Variants in ABRAXAS1 observed in about 807,000 individuals in gnomAD.
The protein encoded by ABRAXAS1 is BRCA1-A complex subunit Abraxas 1.
A neutral mutation model predicts 38.4 loss-of-function variants in ABRAXAS1; 26 were observed. That is an observed-to-expected ratio of 0.68 (90% CI 0.50 to 0.94). ABRAXAS1 has a LOEUF of 0.94. Among genes scored for constraint, ABRAXAS1 ranks in the 40% least tolerant of loss-of-function variants. ABRAXAS1 has a pLI of 0.00. For missense variants in ABRAXAS1, 438 were observed against 481.9 expected (o/e 0.91, Z 0.85); for synonymous variants, 144 against 165.5 (o/e 0.87, Z 1.00).
intron 1 of ABRAXAS1, chr4:83,484,295 C>T (rs1394586545): frequency 2.7e-6 from 2 of 752,930 alleles, no homozygotes; most frequent in Admixed American, 6.3e-5. Flanking sequence ...ATTTCAGATG[C>T]TTAGACTTTC....
intron 3 of ABRAXAS1, among the ~76,000 whole-genome samples, chr4:83,474,245 C>T (rs1722685251): frequency 6.6e-6 from 1 of 152,148 alleles, no homozygotes; most frequent in Non-Finnish European, 1.5e-5. Context: ...ACTTCCTCCA[C>T]ATTTCTGAGG....
chr4:83,478,447 A>AG, intron 2 of ABRAXAS1: 1 of 466,476 alleles, frequency 2.1e-6, no homozygotes. Context: ...ATGTGAGCCC[A>AG]GCCCTGCCAG....
chr4:83,469,187 T>C, intron 5 of ABRAXAS1, 36 bp from the exon 6 acceptor site: 1 of 1,590,192 alleles, frequency 6.3e-7, no homozygotes, highest in Non-Finnish European at 8.6e-7. Context: ...AAACTTAGAA[T>C]GAAAAGAAAG....
In ABRAXAS1 at chr4:83,460,720, A is replaced by G. The variant is rs1190050773; in HGVS notation, c.*1749T>C. The G allele has an allele frequency of 2.5e-6, 1 of 396,838 alleles. No homozygotes were observed. The highest frequency in any genetic ancestry group is 2.1e-5 in the African/African-American group (1 of 48,054). 24.6% of individuals were successfully genotyped at this position (396,838 alleles called of 1,614,324 possible). A position where few individuals can be genotyped will look rare whatever the true frequency, so the allele number is the denominator to read the frequency against. On this transcript the variant is annotated 3_prime_UTR_variant, in exon 9 of 9. Coordinates refer to ENST00000321945, the MANE Select transcript of ABRAXAS1 (RefSeq NM_139076.3). Reference sequence around the variant, plus strand: ...GGAGTTCAGGACCAGCCTGGCCAATATGGTGAAACCCCGTTTCTACTACAA... The same window carrying G: ...GGAGTTCAGGACCAGCCTGGCCAATGTGGTGAAACCCCGTTTCTACTACAA...
At chr4:83,468,874 C>T (rs1456773206) in intron 6 of ABRAXAS1, among the ~76,000 whole-genome samples, 158 bp downstream of exon 6, 1 of 152,012 alleles carries the variant, frequency 6.6e-6, no homozygotes, top group Non-Finnish European at 1.5e-5. Flanking sequence ...TGTAAGTACA[C>T]AAGCAGTAAC....
rs1722155453 is a variant in ABRAXAS1, at chr4:83,462,499, A to G, written c.1200T>C (p.Phe400=). The change falls in exon 9 of 9, where the codon TTT becomes TTC. Residue 400 remains phenylalanine, a synonymous_variant. Transcript: ENST00000321945. The stretch of plus-strand genomic sequence containing the variant: ...ATGTAGGAGACCGTGAATATTCACC[A>G]AAACCCTTCATCTTTTCAATTTCTT... ...TDEEIEKMKG[F]GEYSRSPTF is the part of the protein sequence containing the mutation. The G allele has an allele frequency of 1.2e-6, 2 of 1,613,642 alleles. No homozygotes were observed. The highest frequency in any genetic ancestry group is 1.3e-5 in the African/African-American group (1 of 74,866).
chr4:83,483,212 T>C (rs1723057073), intron 1 of ABRAXAS1, among the ~76,000 whole-genome samples: 1 of 152,124 alleles, frequency 6.6e-6, no homozygotes, highest in South Asian at 2.1e-4. Flanking sequence ...ATCTGAGTTT[T>C]GGGGAATTCA....
rs774216794 is a variant in ABRAXAS1, at chr4:83,462,764, T to C, written c.935A>G (p.Asn312Ser). The C allele has an allele frequency of 6.2e-7, 1 of 1,614,022 alleles. No individual in the cohort carries two copies. ...TACTACATCGAGATGGTGGTTGTAG[T>C]TACAGCTACTTTTAGAAACATGTCT... ...KNRHVSKSSC[N>S]YNHHLDVVDN... The change falls in exon 9 of 9, where the codon AAC becomes AGC. Residue 312 changes from asparagine (N) to serine (S), a missense_variant. Physicochemically the swap from Asn to Ser is conservative, Grantham distance 46 (BLOSUM62 1). Coordinates refer to ENST00000321945, the MANE Select transcript of ABRAXAS1 (RefSeq NM_139076.3).
chr4:83,468,121 G>T (rs1722440076), intron 6 of ABRAXAS1, among the ~76,000 whole-genome samples: 1 of 151,858 alleles, frequency 6.6e-6, no homozygotes, highest in South Asian at 2.1e-4. Context: ...TGACCAACAT[G>T]GAGAAACCCC....
chr4:83,482,109 T>G (rs1003175176), intron 2 of ABRAXAS1, 45 bp downstream of exon 2: 1 of 1,206,372 alleles, frequency 8.3e-7, no homozygotes, highest in Non-Finnish European at 1.2e-6. Context: ...CTATCAAATA[T>G]AGGAGACACA....
intron 2 of ABRAXAS1, 87 bp downstream of exon 2, chr4:83,482,064 AAAT>A: frequency 1.2e-6 from 1 of 847,728 alleles, no homozygotes; most frequent in Non-Finnish European, 1.8e-6. Context: ...CCTAATTTAA[AAAT>A]AATAATTTAC....
At position 83,460,867 on chromosome 4, in the gene ABRAXAS1, CTG is replaced by C; in HGVS notation, c.*1600_*1601del. The C allele has an allele frequency of 1.1e-6, 1 of 925,596 alleles. No homozygotes were observed. The highest frequency in any genetic ancestry group is 1.7e-6 in the Non-Finnish European group (1 of 593,410). 57.3% of individuals were successfully genotyped at this position (925,596 alleles called of 1,614,324 possible). A position where few individuals can be genotyped will look rare whatever the true frequency, so the allele number is the denominator to read the frequency against. On this transcript the variant is annotated 3_prime_UTR_variant, in exon 9 of 9. Transcript: ENST00000321945. ...GTTGCAGTGAGGCGAGAGAGCACCA[CTG>C]TACTCCAGCCTGGGTGACACAGGGA...
rs1183666399 is a variant in ABRAXAS1, at chr4:83,462,922, A to C, written c.797-20T>G. On this transcript the variant is annotated intron_variant, in intron 8 of 8. Coordinates refer to ENST00000321945, the MANE Select transcript of ABRAXAS1 (RefSeq NM_139076.3). ...TCTCTCCTAAACAAAATAGAATAAC[A>C]GTTCAACATATAACATTTCTTCTAC... 3 of 1,447,836 alleles carry C rather than the reference A, an allele frequency of 2.1e-6. No individual in the cohort carries two copies. The highest frequency in any genetic ancestry group is 2.8e-6 in the Non-Finnish European group (3 of 1,070,952). 89.7% of individuals were successfully genotyped at this position (1,447,836 alleles called of 1,614,324 possible). A position where few individuals can be genotyped will look rare whatever the true frequency, so the allele number is the denominator to read the frequency against.
intron 7 of ABRAXAS1, among the ~76,000 whole-genome samples, chr4:83,465,640 T>C (rs1189405875): frequency 6.6e-6 from 1 of 151,852 alleles, no homozygotes; most frequent in African/African-American, 2.4e-5. Flanking sequence ...TACAAAAAAT[T>C]AGCTGGGTGT....
rs888392626 is a variant in ABRAXAS1 at position 83,460,375 on chromosome 4, G to C, written c.*2094C>G. ...TCTCCATGTTGGCCAGGCTGGTCTT[G>C]AATTCCTGACCTCAGGTGATCCACC... On this transcript the variant is annotated 3_prime_UTR_variant, in exon 9 of 9. Coordinates refer to ENST00000321945, the MANE Select transcript of ABRAXAS1 (RefSeq NM_139076.3). 1.8e-4 allele frequency: 28 copies of C among 152,128 alleles called. No individual in the cohort carries two copies. The highest frequency in any genetic ancestry group is 6.3e-4 in the African/African-American group (26 of 41,482). The allele number at this position is 152,128 out of a possible 1,614,324, so 9.4% of individuals were successfully genotyped here.
In ABRAXAS1 at chr4:83,460,832, G is replaced by C. The variant is rs1722068151; in HGVS notation, c.*1637C>G. 2 of 664,136 alleles carry C rather than the reference G, an allele frequency of 3.0e-6. No individual in the cohort carries two copies. Among genetic ancestry groups the C allele is most frequent in the Non-Finnish European group, 5.3e-6 (2 of 376,280 alleles). The allele number at this position is 664,136 out of a possible 1,614,324, so 41.1% of individuals were successfully genotyped here. On this transcript the variant is annotated 3_prime_UTR_variant, in exon 9 of 9. Transcript: ENST00000321945. ...GAGGCAAGATAATCGATTGAGCCTG[G>C]GTGGCGGAGGTTGCAGTGAGGCGAG...
chr4:83,466,087 T>C (rs13142167), intron 7 of ABRAXAS1, among the ~76,000 whole-genome samples: 53,884 of 151,952 alleles, frequency 0.35, 11,266 homozygotes, highest in East Asian at 0.67. Flanking sequence ...TCCATGCCTA[T>C]AGAACAATTT....
At chr4:83,474,712 C>CAAA (rs34119977) in intron 3 of ABRAXAS1, among the ~76,000 whole-genome samples, 63 of 100,614 alleles carry the variant, frequency 6.3e-4, no homozygotes, top group South Asian at 4.1e-3. Flanking sequence ...GACTCTGTCT[C>CAAA]AAAAAAAAAA....
intron 3 of ABRAXAS1, among the ~76,000 whole-genome samples, chr4:83,473,069 A>G (rs907705717): frequency 9.9e-5 from 15 of 152,136 alleles, no homozygotes; most frequent in Non-Finnish European, 1.8e-4. Flanking sequence ...GCTCGAGCCC[A>G]GAAGTTTGAG....
Sources: gnomAD v4.1 joint callset for allele counts (sites outside exome capture counted in the v4.1 genomes callset) on GRCh38, gnomAD v4.1.1 for gene constraint, MANE v1.5 for transcripts, NCBI Gene and HGNC (gene_info 2026-07-23, HGNC 2026-07-21) for gene names.